The following VRK3 variants were observed in gnomAD, a reference collection of about 807,000 sequenced individuals.
VRK3 encodes VRK serine/threonine kinase 3, also known as serine/threonine-protein kinase VRK3.
VRK3 carries 50 observed loss-of-function variants against 60.4 expected under a neutral mutation model. The ratio of observed to expected loss-of-function variants is 0.83; its 90% CI spans 0.66 to 1.05. The LOEUF is 1.05. Among genes scored for constraint, VRK3 ranks in the 50% least tolerant of loss-of-function variants. The pLI, the probability that VRK3 is intolerant of heterozygous loss-of-function variation, is 0.00. For missense variants in VRK3, 549 were observed against 585.3 expected (o/e 0.94, Z 0.64); for synonymous variants, 246 against 227.8 (o/e 1.08, Z -0.72).
rs1280782149 is a variant in VRK3 at position 49,992,856 on chromosome 19, T to C, written c.963+4A>G. 1.2e-6 allele frequency: 2 copies of C among 1,614,072 alleles called. No homozygotes were observed. The highest frequency in any genetic ancestry group is 1.3e-5 in the African/African-American group (1 of 75,056). ...TTCCAGAGTGGGCAGGAGCTGGCTC[T>C]TACCTGACTCTGGTCCTCTGGATCC... On this transcript the variant is annotated splice_donor_region_variant and intron_variant, in intron 10 of 14. Coordinates refer to ENST00000316763, the MANE Select transcript of VRK3 (RefSeq NM_016440.4).
chr19:49,991,238 T>C (rs987796752), intron 10 of VRK3, among the ~76,000 whole-genome samples: 1 of 152,158 alleles, frequency 6.6e-6, no homozygotes, highest in Non-Finnish European at 1.5e-5. Flanking sequence ...ATTATTCTCC[T>C]TAATGTGGGT....
rs535944572 is a variant in VRK3, at chr19:49,979,772, G to A, written c.1277-530C>T. ...GATTTAAAGTAATTCAGCCGGGCGCGGTGGCTCACGCCTGTAATCCCAGCA... is the reference window on the plus strand; with the variant it reads ...GATTTAAAGTAATTCAGCCGGGCGCAGTGGCTCACGCCTGTAATCCCAGCA... On this transcript the variant is annotated intron_variant, in intron 13 of 14. Coordinates refer to ENST00000316763, the MANE Select transcript of VRK3 (RefSeq NM_016440.4). Among the ~76,000 whole-genome samples the A allele has an allele frequency of 3.3e-3, 495 of 152,216 alleles. 9 individuals carry two copies. Among genetic ancestry groups the A allele is most frequent in the East Asian group, 3.1e-3 (16 of 5,180 alleles).
rs1035634885 is a variant in VRK3 at position 49,988,822 on chromosome 19, G to T, written c.1097-330C>A. Among the ~76,000 whole-genome samples the T allele has an allele frequency of 2.6e-5, 4 of 152,234 alleles. No individual in the cohort carries two copies. In the East Asian group the frequency reaches 7.7e-4, roughly 29 times the overall value. ...TGAAAACCCAGACCAGGATCTCGTC[G>T]GGTCCCAGCCCGTGACAGCCTAGTG... On this transcript the variant is annotated intron_variant, in intron 11 of 14. Coordinates refer to ENST00000316763, the MANE Select transcript of VRK3 (RefSeq NM_016440.4).
chr19:50,009,427 C>T (rs1421076213), intron 3 of VRK3, 42 bp from the exon 4 acceptor site: 44 of 1,606,780 alleles, frequency 2.7e-5, no homozygotes, highest in Non-Finnish European at 3.7e-5. Flanking sequence ...GTTACAAAGG[C>T]CCCTCTGCAG....
intron 10 of VRK3, 45 bp from the exon 11 acceptor site, chr19:49,989,816 T>C (rs767686151): frequency 2.3e-5 from 35 of 1,532,082 alleles, no homozygotes; most frequent in African/African-American, 4.1e-5. Flanking sequence ...GTTAGGAGCG[T>C]AGAAGTCAGA....
At position 49,992,928 on chromosome 19, in the gene VRK3, C is replaced by T; in HGVS notation, c.895G>A (p.Glu299Lys). ...ACATTTCCATGAACATACTCATTCT[C>T]ATGGAGGAACTCCAGGGCATCCAGC... Reference protein sequence around the residue: ...RLLDALEFLHENEYVHGNVTA... With the variant: ...RLLDALEFLHKNEYVHGNVTA... The change falls in exon 10 of 15, where the codon GAG becomes AAG. Residue 299 changes from glutamate (E) to lysine (K), a missense_variant. By Grantham distance (56) the Glu-to-Lys change is moderately conservative. Transcript: ENST00000316763. 6.2e-7 allele frequency: 1 copy of T among 1,613,238 alleles called. No homozygotes were observed. Among genetic ancestry groups the T allele is most frequent in the African/African-American group, 1.3e-5 (1 of 75,056 alleles).
chr19:49,985,878 G>A (rs543783970), intron 12 of VRK3, among the ~76,000 whole-genome samples: 1 of 152,334 alleles, frequency 6.6e-6, no homozygotes, highest in African/African-American at 2.4e-5. Context: ...CTCTGGAGTT[G>A]AATGGCCCAG....
At chr19:50,004,187 C>T (rs1213643750) in intron 5 of VRK3, among the ~76,000 whole-genome samples, 1 of 152,188 alleles carries the variant, frequency 6.6e-6, no homozygotes, top group African/African-American at 2.4e-5. Flanking sequence ...TGTGCTTCCA[C>T]TGTGGGTTTC....
rs1361911046 is a variant in VRK3 at position 49,997,503 on chromosome 19, C to G, written c.679+1G>C. On this transcript the variant is annotated splice_donor_variant, in intron 7 of 14. Transcript: ENST00000316763. LOFTEE classifies it high-confidence loss of function. ...TCCTTGCCCAGTTCCCTGTCAGGTACCTTGCAGAGGCTTGGCGGCCCGCTG... is the reference window on the plus strand; with the variant it reads ...TCCTTGCCCAGTTCCCTGTCAGGTAGCTTGCAGAGGCTTGGCGGCCCGCTG... The G allele has an allele frequency of 6.2e-7, 1 of 1,613,860 alleles. No homozygotes were observed. The highest frequency in any genetic ancestry group is 1.1e-5 in the South Asian group (1 of 91,022).
intron 12 of VRK3, among the ~76,000 whole-genome samples, chr19:49,987,443 C>T (rs2076535681): frequency 6.6e-6 from 1 of 152,224 alleles, no homozygotes; most frequent in Admixed American, 6.5e-5. Context: ...CCTCTGTGTC[C>T]AGCTGCTCAA....
intron 3 of VRK3, among the ~76,000 whole-genome samples, chr19:50,009,972 C>T (rs1407948836): frequency 6.6e-6 from 1 of 152,024 alleles, no homozygotes; most frequent in Admixed American, 6.6e-5. Context: ...ATCTATCTTC[C>T]AGTTAACTAA....
rs1264582919 is a variant in VRK3 at position 49,997,392 on chromosome 19, G to A, written c.679+112C>T. On this transcript the variant is annotated intron_variant, in intron 7 of 14. Coordinates refer to ENST00000316763, the MANE Select transcript of VRK3 (RefSeq NM_016440.4). ...TATGGACACAGATGGGAGCAAACCT[G>A]GGCCTTTAATCTAAGCCCACCCTTC... 1.7e-5 allele frequency: 20 copies of A among 1,201,912 alleles called. No homozygotes were observed. The Admixed American group carries it at 4.2e-4, about 25-fold the overall frequency. 74.5% of individuals were successfully genotyped at this position (1,201,912 alleles called of 1,614,324 possible). A position where few individuals can be genotyped will look rare whatever the true frequency, so the allele number is the denominator to read the frequency against.
Position 50,011,624 on chromosome 19 carries a change from C to T in VRK3, c.140-2239G>A, listed in dbSNP as rs187920335. 4.0e-5 allele frequency among the ~76,000 whole-genome samples: 6 copies of T among 151,644 alleles called. No individual in the cohort carries two copies. In the East Asian group the frequency reaches 7.7e-4, roughly 20 times the overall value. ...TCCCTCCCATGGTCCTGCCTGTCTT[C>T]CCCCAGGCAGAAATGTTCCTCACTC... On this transcript the variant is annotated intron_variant, in intron 3 of 14. Coordinates refer to ENST00000316763, the MANE Select transcript of VRK3 (RefSeq NM_016440.4).
intron 5 of VRK3, among the ~76,000 whole-genome samples, chr19:50,001,899 G>GC (rs1468424750): frequency 6.6e-6 from 1 of 152,070 alleles, no homozygotes; most frequent in Non-Finnish European, 1.5e-5. Flanking sequence ...AGGAGTAAGA[G>GC]CAGCACCAGC....
At chr19:50,000,928 G>T in intron 5 of VRK3, 74 bp from the exon 6 acceptor site, 1 of 1,421,320 alleles carries the variant, frequency 7.0e-7, no homozygotes, top group Non-Finnish European at 9.7e-7. Flanking sequence ...AAACTTCCCA[G>T]CAATGAGAAG....
chr19:50,009,762 T>C (rs1053958396), intron 3 of VRK3, among the ~76,000 whole-genome samples: 1 of 152,142 alleles, frequency 6.6e-6, no homozygotes, highest in South Asian at 2.1e-4. Flanking sequence ...GCCTCCCAAG[T>C]AGCTAGGATT....
In VRK3 at chr19:49,979,217, C is replaced by T; in HGVS notation, c.1302G>A (p.Val434=). The change falls in exon 14 of 15, where the codon GTG becomes GTA. Residue 434 remains valine, a synonymous_variant. Coordinates refer to ENST00000316763, the MANE Select transcript of VRK3 (RefSeq NM_016440.4). ...TCTCCTCATACGTGAGGGCCATCAC[C>T]ACCTTCAGGTACTTCTGCAGGGTCT... ...PSETLQKYLK[V]VMALTYEEKP... 6.2e-7 allele frequency: 1 copy of T among 1,614,088 alleles called. No individual in the cohort carries two copies. Among genetic ancestry groups the T allele is most frequent in the Non-Finnish European group, 8.5e-7 (1 of 1,180,004 alleles).
At chr19:49,978,312 G>A (rs921021484) in intron 14 of VRK3, among the ~76,000 whole-genome samples, 3 of 152,166 alleles carry the variant, frequency 2.0e-5, no homozygotes, top group African/African-American at 7.2e-5. Context: ...TGACTACTCC[G>A]GGGAGAGAAA....
intron 6 of VRK3, chr19:50,000,328 T>C (rs2076781100): frequency 5.7e-6 from 1 of 174,950 alleles, no homozygotes; most frequent in Non-Finnish European, 1.2e-5. Flanking sequence ...CTGAGACTCA[T>C]GCTCGGCACC....
Sources: gnomAD v4.1 joint callset for allele counts (sites outside exome capture counted in the v4.1 genomes callset) on GRCh38, gnomAD v4.1.1 for gene constraint, MANE v1.5 for transcripts, NCBI Gene and HGNC (gene_info 2026-07-23, HGNC 2026-07-21) for gene names.